Variants in EPHA5 observed in about 807,000 individuals in gnomAD.
The protein encoded by EPHA5 is ephrin type-A receptor 5.
A neutral mutation model predicts 105.0 loss-of-function variants in EPHA5; 60 were observed. The ratio of observed to expected loss-of-function variants is 0.57; its 90% CI spans 0.46 to 0.71. The LOEUF (loss-of-function observed/expected upper bound fraction) is 0.71, where lower values mean the gene tolerates loss of function less well. Ranked by LOEUF, EPHA5 falls within the 30% of genes least tolerant of loss-of-function variation. EPHA5 has a pLI of 0.00. For missense variants in EPHA5, 1,218 were observed against 1,274.7 expected, an observed-to-expected ratio of 0.96 and a Z score of 0.68; for synonymous variants, 513 against 449.1, an observed-to-expected ratio of 1.14 and a Z score of -1.80.
chr4:65,407,992 T>G (rs952618225), intron 7 of EPHA5, among the ~76,000 whole-genome samples: 1 of 152,146 alleles, frequency 6.6e-6, no homozygotes, highest in Non-Finnish European at 1.5e-5. Context: ...CTGAAACTTC[T>G]GAGCTCAAGT....
chr4:65,460,433 C>T (rs1728014460), intron 5 of EPHA5, among the ~76,000 whole-genome samples: 1 of 150,702 alleles, frequency 6.6e-6, no homozygotes, highest in Admixed American at 6.7e-5. Context: ...GAAGACTCTA[C>T]ATAGGAATAC....
At position 65,321,002 on chromosome 4, in the gene EPHA5, A is replaced by G. The variant is rs1719596891; in HGVS notation, c.*3112T>C. On this transcript the variant is annotated 3_prime_UTR_variant, in exon 17 of 17. Coordinates refer to ENST00000613740, the MANE Select transcript of EPHA5 (RefSeq NM_001281766.3). Reference sequence around the variant, plus strand: ...AAAATCTTTACATCTTTACATAGAAATAGTACATTATGAAAAGAGCAACTG... The same window carrying G: ...AAAATCTTTACATCTTTACATAGAAGTAGTACATTATGAAAAGAGCAACTG... The G allele has an allele frequency of 4.3e-6, 1 of 230,406 alleles. No individual in the cohort carries two copies. Among genetic ancestry groups the G allele is most frequent in the Non-Finnish European group, 8.6e-6 (1 of 116,280 alleles). The allele number at this position is 230,406 out of a possible 1,614,324, so 14.3% of individuals were successfully genotyped here.
intron 3 of EPHA5, among the ~76,000 whole-genome samples, chr4:65,519,911 A>C (rs999957323): frequency 2.0e-5 from 3 of 152,198 alleles, no homozygotes; most frequent in Non-Finnish European, 4.4e-5. Context: ...TTCCATGCTC[A>C]TGGATACGAA....
intron 3 of EPHA5, among the ~76,000 whole-genome samples, chr4:65,568,421 A>T (rs1739781597): frequency 6.6e-6 from 1 of 151,474 alleles, no homozygotes; most frequent in Non-Finnish European, 1.5e-5. Flanking sequence ...TTTACTCACA[A>T]TTTGTTATAA....
At chr4:65,655,835 A>G (rs1018034318) in intron 1 of EPHA5, among the ~76,000 whole-genome samples, 1 of 152,168 alleles carries the variant, frequency 6.6e-6, no homozygotes, top group African/African-American at 2.4e-5. Context: ...CATTGGTTTA[A>G]AGTAAACTTC....
At chr4:65,618,128 A>G (rs1403815787) in intron 2 of EPHA5, among the ~76,000 whole-genome samples, 3 of 152,158 alleles carry the variant, frequency 2.0e-5, no homozygotes, top group African/African-American at 4.8e-5. Flanking sequence ...AAACACTGGG[A>G]CACAGATTGT....
intron 7 of EPHA5, 138 bp from the exon 8 acceptor site, chr4:65,404,617 T>G: frequency 1.5e-6 from 1 of 655,908 alleles, no homozygotes; most frequent in Non-Finnish European, 2.6e-6. Flanking sequence ...CCTAATATCC[T>G]TTCTTAAAAG....
At chr4:65,382,954 A>C (rs552332282) in intron 8 of EPHA5, among the ~76,000 whole-genome samples, 1 of 151,358 alleles carries the variant, frequency 6.6e-6, no homozygotes, top group African/African-American at 2.4e-5. Flanking sequence ...AAACTTCAAA[A>C]GTGCCTGGAG....
At chr4:65,550,999 A>ATT (rs905635160) in intron 3 of EPHA5, among the ~76,000 whole-genome samples, 5 of 151,748 alleles carry the variant, frequency 3.3e-5, no homozygotes, top group South Asian at 2.1e-4. Context: ...GTATTTGTGC[A>ATT]TTATATATAT....
At chr4:65,563,100 C>CT (rs954948426) in intron 3 of EPHA5, among the ~76,000 whole-genome samples, 22 of 151,272 alleles carry the variant, frequency 1.5e-4, no homozygotes, top group South Asian at 6.3e-4. Flanking sequence ...GATATAAATT[C>CT]TTTTTTTTTC....
chr4:65,547,298 G>GAAA lies in EPHA5; in HGVS notation c.911-51758_911-51756dup, dbSNP rs71657184. ...GATAATGAAGATTCAAAGCCAAGTG[G>GAAA]AAAAAAAAAAAAAAGAAAGAAACCA... On this transcript the variant is annotated intron_variant, in intron 3 of 16. Transcript: ENST00000613740. 5.8e-4 allele frequency among the ~76,000 whole-genome samples: 81 copies of GAAA among 139,436 alleles called. 1 individual carries two copies. The highest frequency in any genetic ancestry group is 5.7e-3 in the South Asian group (25 of 4,410). The allele number at this position is 139,436 out of a possible 152,430, so 91.5% of individuals were successfully genotyped here.
At chr4:65,388,457 C>T (rs1720355380) in intron 8 of EPHA5, among the ~76,000 whole-genome samples, 1 of 150,038 alleles carries the variant, frequency 6.7e-6, no homozygotes, top group Admixed American at 6.7e-5. Flanking sequence ...GTTCCTATTT[C>T]TCCACATCCT....
At chr4:65,627,792 T>G (rs753971109) in intron 2 of EPHA5, among the ~76,000 whole-genome samples, 3 of 152,144 alleles carry the variant, frequency 2.0e-5, no homozygotes, top group Admixed American at 6.5e-5. Flanking sequence ...CAGAAGTAAT[T>G]TCTTCAGTAG....
chr4:65,562,882 C>A (rs112354415), intron 3 of EPHA5, among the ~76,000 whole-genome samples: 5 of 151,736 alleles, frequency 3.3e-5, no homozygotes, highest in Admixed American at 2.0e-4. Context: ...TAAACTGAGG[C>A]GGGAGGATTG....
intron 1 of EPHA5, among the ~76,000 whole-genome samples, chr4:65,644,425 G>A (rs1170422396): frequency 6.6e-6 from 1 of 151,964 alleles, no homozygotes; most frequent in Non-Finnish European, 1.5e-5. Context: ...AATGAGCCTG[G>A]AATATGAACC....
chr4:65,359,633 C>G (rs1298636827), intron 11 of EPHA5, among the ~76,000 whole-genome samples: 1 of 151,504 alleles, frequency 6.6e-6, no homozygotes, highest in Non-Finnish European at 1.5e-5. Context: ...ACATCCAATT[C>G]ACAAGAAGGT....
intron 3 of EPHA5, among the ~76,000 whole-genome samples, chr4:65,551,997 C>T (rs1426742791): frequency 6.6e-6 from 1 of 152,108 alleles, no homozygotes; most frequent in Non-Finnish European, 1.5e-5. Flanking sequence ...GTAAATGATG[C>T]TCACCTTAAA....
chr4:65,585,240 T>C (rs1043438282), intron 3 of EPHA5, among the ~76,000 whole-genome samples: 1 of 151,748 alleles, frequency 6.6e-6, no homozygotes, highest in African/African-American at 2.4e-5. Flanking sequence ...GAATTTATAT[T>C]ACAGAAAATT....
chr4:65,502,219 T>C (rs1048253622), intron 3 of EPHA5, among the ~76,000 whole-genome samples: 1 of 151,050 alleles, frequency 6.6e-6, no homozygotes, highest in Non-Finnish European at 1.5e-5. Flanking sequence ...ACTAAGTCTT[T>C]ACAAGCAATT....
Sources: allele counts gnomAD v4.1 joint callset (sites outside exome capture counted in the v4.1 genomes callset), GRCh38; gene constraint gnomAD v4.1.1; transcripts MANE v1.5; gene names NCBI Gene and HGNC (gene_info 2026-07-23, HGNC 2026-07-21).